The following USH2A variants were observed in gnomAD, a reference collection of about 807,000 sequenced individuals.
USH2A encodes the protein Usher syndrome 2A (autosomal recessive, mild).
A neutral mutation model predicts 538.9 loss-of-function variants in USH2A; 443 were observed. That is an observed-to-expected ratio of 0.82 (90% confidence interval 0.76 to 0.89). USH2A has a LOEUF of 0.89. Ranked by LOEUF, USH2A falls within the 40% of genes least tolerant of loss-of-function variation. The pLI is 0.00. For synonymous variants in USH2A, 2,413 were observed against 2,273.5 expected (o/e 1.06, Z -1.75); for missense variants, 6,633 against 6,324.8 (o/e 1.05, Z -1.65).
At chr1:216,089,988 G>A (rs181975769) in intron 22 of USH2A, among the ~76,000 whole-genome samples, 198 of 151,964 alleles carry the variant, frequency 1.3e-3, no homozygotes, top group African/African-American at 4.7e-3. Context: ...GTCACCAACA[G>A]CTACTAGTAC....
chr1:215,748,004 G>C (rs1660525252), intron 58 of USH2A, among the ~76,000 whole-genome samples: 1 of 151,534 alleles, frequency 6.6e-6, no homozygotes. Flanking sequence ...CCATTCTCCT[G>C]CCTCAGCCTC....
Position 215,782,167 on chromosome 1 carries a change from T to G in USH2A, c.10615A>C (p.Asn3539His). 2.5e-6 allele frequency: 4 copies of G among 1,613,916 alleles called. No homozygotes were observed. Among genetic ancestry groups the G allele is most frequent in the Non-Finnish European group, 3.4e-6 (4 of 1,179,852 alleles). ...GTTCCCCGAAAACGTTCAATTCCATTTCGAAGAAGGATGTAGTAAATAATA... is the reference window on the plus strand; with the variant it reads ...GTTCCCCGAAAACGTTCAATTCCATGTCGAAGAAGGATGTAGTAAATAATA... ...GPIIYYILLR[N>H]GIERFRGTSL... Residue 3539 changes from asparagine to histidine, a missense_variant, in exon 54 of 72, where the codon AAT (asparagine) becomes CAT (histidine). By Grantham distance (68) the Asn-to-His change is moderately conservative. Coordinates refer to ENST00000307340, the MANE Select transcript of USH2A (RefSeq NM_206933.4).
At chr1:216,371,775 C>T (rs1437258500) in intron 3 of USH2A, among the ~76,000 whole-genome samples, 2 of 152,108 alleles carry the variant, frequency 1.3e-5, no homozygotes, top group African/African-American at 2.4e-5. Flanking sequence ...GCTTAATAAA[C>T]ACTAACTGAT....
In USH2A at chr1:216,200,143, AAAAC is replaced by A. The variant is rs888874714; in HGVS notation, c.3317-26_3317-23del. 6.9e-6 allele frequency: 11 copies of A among 1,602,708 alleles called. No homozygotes were observed. In the African/African-American group the frequency reaches 9.4e-5, roughly 14 times the overall value. On this transcript the variant is annotated intron_variant, in intron 16 of 71. Coordinates refer to ENST00000307340, the MANE Select transcript of USH2A (RefSeq NM_206933.4). ...ATACCTGAAATGAAAAGAAAAAAAA[AAAAC>A]AAAGTTACATTTCACAAGTTGGTGA... is the stretch of plus-strand genomic sequence containing the variant.
intron 50 of USH2A, among the ~76,000 whole-genome samples, chr1:215,790,716 G>A (rs530409806): frequency 2.2e-3 from 336 of 152,304 alleles, no homozygotes; most frequent in South Asian, 6.4e-3. Context: ...AGGCAGAGTG[G>A]AAAGGTAGCA....
chr1:216,377,850 AG>A (rs2038859749), intron 3 of USH2A, among the ~76,000 whole-genome samples: 1 of 140,560 alleles, frequency 7.1e-6, no homozygotes, highest in African/African-American at 2.8e-5. Context: ...AAAGAAAGAA[AG>A]AAAGAAAGAA....
intron 61 of USH2A, among the ~76,000 whole-genome samples, chr1:215,681,079 T>G (rs928414242): frequency 3.3e-5 from 5 of 152,174 alleles, no homozygotes; most frequent in African/African-American, 1.2e-4. Flanking sequence ...TTGGAGAATT[T>G]GGTCTTTGTT....
rs2032457622 is a variant in USH2A at position 216,097,077 on chromosome 1, A to G, written c.4758+6T>C. ...AAAATATTAAAGTTTATGATTTCTC[A>G]TTTACCTGAGGATCAAAAAGAAAAT... On this transcript the variant is annotated splice_donor_region_variant and intron_variant, in intron 22 of 71. Coordinates refer to ENST00000307340, the MANE Select transcript of USH2A (RefSeq NM_206933.4). The G allele has an allele frequency of 2.5e-6, 4 of 1,613,102 alleles. No individual in the cohort carries two copies. In the South Asian group the frequency reaches 4.4e-5, roughly 18 times the overall value.
rs1666216429 is a variant in USH2A at position 215,925,543 on chromosome 1, T to C, written c.7300+9073A>G. On this transcript the variant is annotated intron_variant, in intron 38 of 71. Coordinates refer to ENST00000307340, the MANE Select transcript of USH2A (RefSeq NM_206933.4). ...AAAGACAAACCATCTGTTTATGTGG[T>C]AGAATGTTGTCGTTTTAAAGAATGC... is the stretch of plus-strand genomic sequence containing the variant. Among the ~76,000 whole-genome samples the C allele has an allele frequency of 7.2e-5, 11 of 152,180 alleles. No homozygotes were observed. The South Asian group carries it at 2.3e-3, about 31-fold the overall frequency.
intron 61 of USH2A, among the ~76,000 whole-genome samples, chr1:215,703,205 CT>C (rs1468821473): frequency 6.6e-6 from 1 of 152,186 alleles, no homozygotes; most frequent in Non-Finnish European, 1.5e-5. Context: ...AGAGGGGCAC[CT>C]GCCGGATGCC....
chr1:215,753,371 T>C (rs1422298817), intron 58 of USH2A, among the ~76,000 whole-genome samples: 1 of 151,814 alleles, frequency 6.6e-6, no homozygotes, highest in East Asian at 1.9e-4. Context: ...TGTATGTTTA[T>C]TGCGGCACTA....
chr1:215,836,025 G>C (rs1351952697), intron 47 of USH2A, among the ~76,000 whole-genome samples: 1 of 151,388 alleles, frequency 6.6e-6, no homozygotes, highest in Non-Finnish European at 1.5e-5. Context: ...TCTTCTTAAA[G>C]GAAAAAAAAC....
intron 55 of USH2A, among the ~76,000 whole-genome samples, chr1:215,774,910 T>C (rs530029401): frequency 7.0e-4 from 106 of 152,016 alleles, no homozygotes; most frequent in Middle Eastern, 3.4e-3. Context: ...TTTTTTTCTT[T>C]TTTTTTTTTA....
chr1:216,192,120 A>G (rs531577188), intron 19 of USH2A, among the ~76,000 whole-genome samples: 2 of 152,120 alleles, frequency 1.3e-5, no homozygotes, highest in Admixed American at 6.6e-5. Context: ...GAAAAATTCT[A>G]CAGCAGCTTG....
intron 21 of USH2A, among the ~76,000 whole-genome samples, chr1:216,103,693 AT>A (rs1480270963): frequency 2.0e-5 from 3 of 152,226 alleles, no homozygotes; most frequent in Non-Finnish European, 4.4e-5. Context: ...ACATAAAAAA[AT>A]CCTACAACTC....
chr1:216,195,196 C>G (rs143168368), intron 19 of USH2A, among the ~76,000 whole-genome samples: 1 of 152,158 alleles, frequency 6.6e-6, no homozygotes, highest in Non-Finnish European at 1.5e-5. Flanking sequence ...AAGGGCCCAA[C>G]AGAAATTCAT....
intron 3 of USH2A, among the ~76,000 whole-genome samples, chr1:216,409,598 C>T (rs1269947248): frequency 6.6e-6 from 1 of 152,066 alleles, no homozygotes. Flanking sequence ...ACCATCTGAT[C>T]TTTGAGAAAG....
chr1:216,292,937 T>G (rs927516193), intron 9 of USH2A, among the ~76,000 whole-genome samples: 4 of 152,120 alleles, frequency 2.6e-5, no homozygotes, highest in Admixed American at 1.3e-4. Context: ...GTTGTTTTAG[T>G]CCTTTGTAAA....
At position 215,879,207 on chromosome 1, in the gene USH2A, A is replaced by G. The variant is rs6669557; in HGVS notation, c.8224-109T>C. 0.18 allele frequency: 167,758 copies of G among 927,738 alleles called. 16,543 individuals carry two copies. The highest frequency in any genetic ancestry group is 0.34 in the East Asian group (13,958 of 41,182). 57.5% of individuals were successfully genotyped at this position (927,738 alleles called of 1,614,324 possible). On this transcript the variant is annotated intron_variant, in intron 41 of 71. Transcript: ENST00000307340. ...TGTTTTCAGTTAAGTCATTTTCTAA[A>G]TGGCTACATTCTCCTGAGGCCTTTG...
Sources: gnomAD v4.1 joint callset for allele counts (sites outside exome capture counted in the v4.1 genomes callset) on GRCh38, gnomAD v4.1.1 for gene constraint, MANE v1.5 for transcripts, NCBI Gene and HGNC (gene_info 2026-07-23, HGNC 2026-07-21) for gene names.